Variants in ADAM11 observed in about 807,000 individuals in gnomAD.
ADAM11 encodes disintegrin and metalloproteinase domain-containing protein 11.
ADAM11 carries 49 observed loss-of-function variants against 119.1 expected under a neutral mutation model. The observed-to-expected ratio is 0.41, with a 90% CI of 0.33 to 0.52. The LOEUF is 0.52. Ranked by LOEUF, ADAM11 falls within the 20% of genes least tolerant of loss-of-function variation. ADAM11 has a pLI of 0.20. For synonymous variants in ADAM11, 364 were observed against 408.0 expected (o/e 0.89, Z 1.30); for missense variants, 777 against 1,047.5 (o/e 0.74, Z 3.56).
At position 44,763,221 on chromosome 17, in the gene ADAM11, G is replaced by A. The variant is rs902290509; in HGVS notation, c.237+3324G>A. 4.6e-5 allele frequency among the ~76,000 whole-genome samples: 7 copies of A among 152,284 alleles called. No homozygotes were observed. The East Asian group carries it at 5.8e-4, about 13-fold the overall frequency. ...CTTTTTGGGGCAGGCACTCCTTTAC[G>A]TGGAATTATTTAATCTTCATCACAG... On this transcript the variant is annotated intron_variant, in intron 2 of 26. Coordinates refer to ENST00000200557, the MANE Select transcript of ADAM11 (RefSeq NM_002390.6).
Position 44,772,717 on chromosome 17 carries a change from G to A in ADAM11, c.679-140G>A. 4 of 912,398 alleles carry A rather than the reference G, an allele frequency of 4.4e-6. No individual in the cohort carries two copies. In the South Asian group the frequency reaches 4.9e-5, roughly 11 times the overall value. The allele number at this position is 912,398 out of a possible 1,614,324, so 56.5% of individuals were successfully genotyped here. A position where few individuals can be genotyped will look rare whatever the true frequency, so the allele number is the denominator to read the frequency against. On this transcript the variant is annotated intron_variant, in intron 8 of 26. Coordinates refer to ENST00000200557, the MANE Select transcript of ADAM11 (RefSeq NM_002390.6). This position sits in a 1 kb window ranked among gnomAD's most constrained non-coding sequence, Gnocchi z 4.5. ...TCATTCCAAAGCTGAGGAAGGACAG[G>A]ACCCTCTGCCAGTGGGGAGCTGGCA...
rs1338604426 is a variant in ADAM11, at chr17:44,759,167, C to T, written c.-33C>T. 3.1e-6 allele frequency: 4 copies of T among 1,284,162 alleles called. No individual in the cohort carries two copies. In the Admixed American group the frequency reaches 1.2e-4, roughly 37 times the overall value. The allele number at this position is 1,284,162 out of a possible 1,614,324, so 79.5% of individuals were successfully genotyped here. ...CCGCCCTCCCCGCGCCGCTGGCAGCCGCAGCCCCCGGACCGGGAGGAATGA... is the reference window on the plus strand; with the variant it reads ...CCGCCCTCCCCGCGCCGCTGGCAGCTGCAGCCCCCGGACCGGGAGGAATGA... On this transcript the variant is annotated 5_prime_UTR_variant, in exon 1 of 27. Coordinates refer to ENST00000200557, the MANE Select transcript of ADAM11 (RefSeq NM_002390.6).
At chr17:44,762,597 G>A (rs888330101) in intron 2 of ADAM11, among the ~76,000 whole-genome samples, 1 of 152,128 alleles carries the variant, frequency 6.6e-6, no homozygotes, top group Non-Finnish European at 1.5e-5. Context: ...CTGGTCATGT[G>A]TCGAGTCCAG....
At chr17:44,774,800 A>AGAGCGAGC in intron 14 of ADAM11, 51 bp downstream of exon 14, 1 of 1,578,428 alleles carries the variant, frequency 6.3e-7, no homozygotes. Context: ...GGGGAGTCTT[A>AGAGCGAGC]GAGCGAGCAT....
At chr17:44,769,860 G>T (rs1396610150) in intron 3 of ADAM11, 66 bp downstream of exon 3, 1 of 1,602,864 alleles carries the variant, frequency 6.2e-7, no homozygotes, top group Admixed American at 1.7e-5. Context: ...GCTAGGGCCT[G>T]GCTGCTGGGG....
At position 44,776,118 on chromosome 17, in the gene ADAM11, C is replaced by T; in HGVS notation, c.1486-9C>T. On this transcript the variant is annotated splice_polypyrimidine_tract_variant and intron_variant, in intron 17 of 26. Coordinates refer to ENST00000200557, the MANE Select transcript of ADAM11 (RefSeq NM_002390.6). The surrounding 1 kb of genome is among the most constrained non-coding windows in gnomAD (Gnocchi z 5.2). ...CCTGCCTGACTCGAGGAGCGCGTCT[C>T]TTCCCTAGTACGAACCACGGGGTGT... 1.9e-6 allele frequency: 3 copies of T among 1,613,514 alleles called. No individual in the cohort carries two copies. Among genetic ancestry groups the T allele is most frequent in the Non-Finnish European group, 2.5e-6 (3 of 1,179,852 alleles).
chr17:44,777,624 G>T lies in ADAM11; in HGVS notation c.1901+23G>T. ...CAGGTGCTGGCCAGGACCAAGACTA[G>T]GGAGGGGAGGTTGCAGCTGTGCTGG... On this transcript the variant is annotated intron_variant, in intron 22 of 26. Coordinates refer to ENST00000200557, the MANE Select transcript of ADAM11 (RefSeq NM_002390.6). This position sits in a 1 kb window ranked among gnomAD's most constrained non-coding sequence, Gnocchi z 5.1. 6.2e-7 allele frequency: 1 copy of T among 1,614,008 alleles called. No homozygotes were observed. Among genetic ancestry groups the T allele is most frequent in the Middle Eastern group, 1.6e-4 (1 of 6,062 alleles).
chr17:44,776,857 T>G lies in ADAM11; in HGVS notation c.1618-42T>G. 1 of 1,613,930 alleles carries G rather than the reference T, an allele frequency of 6.2e-7. No homozygotes were observed. The highest frequency in any genetic ancestry group is 8.5e-7 in the Non-Finnish European group (1 of 1,179,852). ...AGTCTCTTGTCTCCACTCTGACCAC[T>G]CAGCATCTCCATCCCTTGCCTCTTA... On this transcript the variant is annotated intron_variant, in intron 19 of 26. Transcript: ENST00000200557. The surrounding 1 kb of genome is among the most constrained non-coding windows in gnomAD (Gnocchi z 5.2).
In ADAM11 at chr17:44,772,740, G is replaced by A; in HGVS notation, c.679-117G>A. 2.0e-6 allele frequency: 2 copies of A among 990,018 alleles called. No homozygotes were observed. The highest frequency in any genetic ancestry group is 1.5e-5 in the South Asian group (1 of 65,696). 61.3% of individuals were successfully genotyped at this position (990,018 alleles called of 1,614,324 possible). A position where few individuals can be genotyped will look rare whatever the true frequency, so the allele number is the denominator to read the frequency against. On this transcript the variant is annotated intron_variant, in intron 8 of 26. Coordinates refer to ENST00000200557, the MANE Select transcript of ADAM11 (RefSeq NM_002390.6). This position sits in a 1 kb window ranked among gnomAD's most constrained non-coding sequence, Gnocchi z 4.5. The stretch of plus-strand genomic sequence containing the variant: ...AGGACCCTCTGCCAGTGGGGAGCTG[G>A]CACTGTCCCTGGCTGGAGTCCAGAC...
Position 44,759,180 on chromosome 17 carries a change from C to G in ADAM11, c.-20C>G. ...GCCGCTGGCAGCCGCAGCCCCCGGA[C>G]CGGGAGGAATGAGCGAGCCATGAGG... On this transcript the variant is annotated 5_prime_UTR_variant, in exon 1 of 27. Coordinates refer to ENST00000200557, the MANE Select transcript of ADAM11 (RefSeq NM_002390.6). 1 of 1,331,748 alleles carries G rather than the reference C, an allele frequency of 7.5e-7. No homozygotes were observed. Among genetic ancestry groups the G allele is most frequent in the Middle Eastern group, 2.8e-4 (1 of 3,556 alleles). 82.5% of individuals were successfully genotyped at this position (1,331,748 alleles called of 1,614,324 possible). A position where few individuals can be genotyped will look rare whatever the true frequency, so the allele number is the denominator to read the frequency against.
chr17:44,759,131 C>T lies in ADAM11; in HGVS notation c.-69C>T, dbSNP rs1023140747. Reference sequence around the variant, plus strand: ...TCCGCAGCTGGCGCCTCCCCACCCCCGTCCCTGCTCCCGCCCTCCCCGCGC... The same window carrying T: ...TCCGCAGCTGGCGCCTCCCCACCCCTGTCCCTGCTCCCGCCCTCCCCGCGC... On this transcript the variant is annotated 5_prime_UTR_variant, in exon 1 of 27. Transcript: ENST00000200557. 4 of 1,058,046 alleles carry T rather than the reference C, an allele frequency of 3.8e-6. No individual in the cohort carries two copies. The highest frequency in any genetic ancestry group is 7.6e-5 in the East Asian group (2 of 26,282). The allele number at this position is 1,058,046 out of a possible 1,614,324, so 65.5% of individuals were successfully genotyped here. A position where few individuals can be genotyped will look rare whatever the true frequency, so the allele number is the denominator to read the frequency against.
Position 44,768,067 on chromosome 17 carries a change from G to T in ADAM11, c.238-1651G>T, listed in dbSNP as rs150288919. On this transcript the variant is annotated intron_variant, in intron 2 of 26. Coordinates refer to ENST00000200557, the MANE Select transcript of ADAM11 (RefSeq NM_002390.6). Reference sequence around the variant, plus strand: ...AGGTTGCTGGGTCATCCCTGGGGCTGCACGGTCAGAGAGCAGCATTGGGGC... The same window carrying T: ...AGGTTGCTGGGTCATCCCTGGGGCTTCACGGTCAGAGAGCAGCATTGGGGC... 3.4e-3 allele frequency among the ~76,000 whole-genome samples: 525 copies of T among 152,356 alleles called. 4 individuals carry two copies. The highest frequency in any genetic ancestry group is 0.012 in the African/African-American group (497 of 41,584).
In ADAM11 at chr17:44,773,251, T is replaced by C. The variant is rs745908481; in HGVS notation, c.826-10T>C. The C allele has an allele frequency of 1.1e-5, 18 of 1,593,340 alleles. 1 individual carries two copies. The South Asian group carries it at 2.0e-4, about 18-fold the overall frequency. ...ACTCCCACCCTCCAGCCCCCTCATC[T>C]TCTCCCCAGATATACAAGGAGCAGC... On this transcript the variant is annotated splice_polypyrimidine_tract_variant and intron_variant, in intron 10 of 26. Coordinates refer to ENST00000200557, the MANE Select transcript of ADAM11 (RefSeq NM_002390.6). The surrounding 1 kb of genome is among the most constrained non-coding windows in gnomAD (Gnocchi z 4.6).
rs550297453 is a variant in ADAM11, at chr17:44,780,515, C to T, written c.*761C>T. On this transcript the variant is annotated 3_prime_UTR_variant, in exon 27 of 27. Transcript: ENST00000200557. ...AGATCGTCTCCAATTCGAAAACAAC[C>T]GTCCTGCTGTCCCTGTCAGGACACA... The T allele has an allele frequency of 1.8e-4, 45 of 249,898 alleles. No homozygotes were observed. Among genetic ancestry groups the T allele is most frequent in the African/African-American group, 8.2e-4 (35 of 42,490 alleles). The allele number at this position is 249,898 out of a possible 1,614,324, so 15.5% of individuals were successfully genotyped here. A position where few individuals can be genotyped will look rare whatever the true frequency, so the allele number is the denominator to read the frequency against.
chr17:44,765,192 CG>C (rs1013081835), intron 2 of ADAM11, among the ~76,000 whole-genome samples: 38 of 13,600 alleles, frequency 2.8e-3, no homozygotes, highest in Non-Finnish European at 4.3e-3. Flanking sequence ...AACACATTGC[CG>C]GGGGTGGGTG....
At chr17:44,774,236 C>G (rs1451188622) in intron 11 of ADAM11, 59 bp from the exon 12 acceptor site, 19 of 1,191,258 alleles carry the variant, frequency 1.6e-5, no homozygotes, top group Middle Eastern at 6.0e-4. Context: ...GGCCCCACCA[C>G]CACCCGGGGA....
intron 3 of ADAM11, 30 bp from the exon 4 acceptor site, chr17:44,769,951 AC>A (rs756542150): frequency 6.2e-7 from 1 of 1,612,590 alleles, no homozygotes; most frequent in East Asian, 2.2e-5. Context: ...CTCGCCCGTG[AC>A]CCCCCTTCCT....
At chr17:44,774,404 G>A (rs943860039) in intron 12 of ADAM11, 25 bp downstream of exon 12, 7 of 1,531,088 alleles carry the variant, frequency 4.6e-6, no homozygotes, top group African/African-American at 1.4e-5. Context: ...GACATGGCTG[G>A]GGTGGCGGCT....
At chr17:44,771,060 G>A (rs1487920348) in intron 4 of ADAM11, among the ~76,000 whole-genome samples, 1 of 152,088 alleles carries the variant, frequency 6.6e-6, no homozygotes, top group Non-Finnish European at 1.5e-5. Flanking sequence ...GTTGCAGTGA[G>A]CTGAGATCAT....
Sources: gnomAD v4.1 joint callset for allele counts (sites outside exome capture counted in the v4.1 genomes callset) on GRCh38, gnomAD v4.1.1 for gene constraint, Gnocchi (gnomAD v3.1) non-coding constraint, MANE v1.5 for transcripts, NCBI Gene and HGNC (gene_info 2026-07-23, HGNC 2026-07-21) for gene names.